The following LARP6 variants were observed in gnomAD, a reference collection of about 807,000 sequenced individuals.
LARP6 encodes la-related protein 6.
LARP6 carries 18 observed loss-of-function variants against 32.8 expected under a neutral mutation model. That is an observed-to-expected ratio of 0.55 (90% CI 0.38 to 0.81). The LOEUF (loss-of-function observed/expected upper bound fraction) is 0.81. Ranked by LOEUF, LARP6 falls within the 40% of genes least tolerant of loss-of-function variation. LARP6 has a pLI of 0.00. For missense variants in LARP6, 598 were observed against 663.1 expected, an observed-to-expected ratio of 0.90 and a Z score of 1.08; for synonymous variants, 289 against 267.2, an observed-to-expected ratio of 1.08 and a Z score of -0.80.
chr15:70,844,856 G>T (rs564036872), intron 1 of LARP6, among the ~76,000 whole-genome samples: 1 of 152,218 alleles, frequency 6.6e-6, no homozygotes, highest in Non-Finnish European at 1.5e-5. Context: ...CACTCTCAGG[G>T]TGCTAGTTGG....
At chr15:70,850,140 C>A (rs1015860723) in intron 1 of LARP6, among the ~76,000 whole-genome samples, 1 of 152,100 alleles carries the variant, frequency 6.6e-6, no homozygotes, top group East Asian at 1.9e-4. Context: ...AAACATGAAA[C>A]CTACCAAGAC....
At chr15:70,836,616 G>T in intron 1 of LARP6, 111 bp from the exon 2 acceptor site, 1 of 827,112 alleles carries the variant, frequency 1.2e-6, no homozygotes, top group Non-Finnish European at 2.0e-6. Flanking sequence ...ATGTTATTTG[G>T]AAATGGGGGT....
In LARP6 at chr15:70,832,733, C is replaced by A; in HGVS notation, c.795G>T (p.Glu265Asp). 1 of 1,595,518 alleles carries A rather than the reference C, an allele frequency of 6.3e-7. No individual in the cohort carries two copies. The highest frequency in any genetic ancestry group is 1.1e-5 in the South Asian group (1 of 87,434). Residue 265 changes from glutamate to aspartate, a missense_variant, in exon 3 of 3, where the codon GAG (glutamate) becomes GAT (aspartate). This residue lies in a region of LARP6 where 368 missense variants were observed against 397.9 expected (regional missense o/e 0.92). Coordinates refer to ENST00000299213, the MANE Select transcript of LARP6 (RefSeq NM_018357.4). The part of the protein sequence containing the change: ...TQECAIVEFE[E>D]VEAAIKAHEF... ...CATGGGCTTTGATGGCTGCTTCCACCTCCTCGAACTCCACGATGGCGCACT... is the reference window on the plus strand; with the variant it reads ...CATGGGCTTTGATGGCTGCTTCCACATCCTCGAACTCCACGATGGCGCACT...
chr15:70,832,596 G>A lies in LARP6; in HGVS notation c.932C>T (p.Thr311Ile). 1 of 1,599,218 alleles carries A rather than the reference G, an allele frequency of 6.3e-7. No homozygotes were observed. Among genetic ancestry groups the A allele is most frequent in the East Asian group, 2.2e-5 (1 of 44,846 alleles). Residue 311 changes from threonine to isoleucine, a missense_variant, in exon 3 of 3, where the codon ACT (threonine) becomes ATT (isoleucine). Transcript: ENST00000299213. Reference sequence around the variant, plus strand: ...GGACTTGTTCAGGTGGATGCTCGCAGTGGGCTCCTCGTCATGATTTTTGTC... The same window carrying A: ...GGACTTGTTCAGGTGGATGCTCGCAATGGGCTCCTCGTCATGATTTTTGTC... ...AKDKNHDEEPTASIHLNKSLN... is the reference protein window; with the variant it reads ...AKDKNHDEEPIASIHLNKSLN...
intron 2 of LARP6, among the ~76,000 whole-genome samples, chr15:70,834,780 C>T (rs891974194): frequency 1.3e-5 from 2 of 152,212 alleles, no homozygotes; most frequent in Non-Finnish European, 2.9e-5. Context: ...AGAAAAGGGA[C>T]CAGGGAGCGT....
intron 1 of LARP6, among the ~76,000 whole-genome samples, chr15:70,841,246 A>G (rs1394227168): frequency 6.6e-6 from 1 of 152,158 alleles, no homozygotes; most frequent in African/African-American, 2.4e-5. Flanking sequence ...TCTAATGCTT[A>G]TTCCAGAGCT....
chr15:70,829,674 A>G lies in LARP6; in HGVS notation c.*2378T>C, dbSNP rs2032005324. ...GAAGAACTGTGAACCAATAAAATAA[A>G]TGACTTGCTGAAGGTCACAGTTGCT... On this transcript the variant is annotated 3_prime_UTR_variant, in exon 3 of 3. Transcript: ENST00000299213. 6.6e-6 allele frequency: 1 copy of G among 152,316 alleles called. No individual in the cohort carries two copies. The highest frequency in any genetic ancestry group is 1.5e-5 in the Non-Finnish European group (1 of 68,022). The allele number at this position is 152,316 out of a possible 1,614,324, so 9.4% of individuals were successfully genotyped here. A position where few individuals can be genotyped will look rare whatever the true frequency, so the allele number is the denominator to read the frequency against.
chr15:70,841,073 C>T (rs2032247883), intron 1 of LARP6, among the ~76,000 whole-genome samples: 1 of 152,038 alleles, frequency 6.6e-6, no homozygotes, highest in African/African-American at 2.4e-5. Context: ...GCCACCGCGC[C>T]CGGCTAATTT....
At position 70,845,737 on chromosome 15, in the gene LARP6, G is replaced by A. The variant is rs183507404; in HGVS notation, c.200+8152C>T. 1.8e-4 allele frequency among the ~76,000 whole-genome samples: 27 copies of A among 152,346 alleles called. No individual in the cohort carries two copies. The East Asian group carries it at 3.7e-3, about 21-fold the overall frequency. On this transcript the variant is annotated intron_variant, in intron 1 of 2. Coordinates refer to ENST00000299213, the MANE Select transcript of LARP6 (RefSeq NM_018357.4). ...TGCTTTTTCTTAGTGGGTTGTATGG[G>A]TTCCCTCTGCAGTTGCACACTCCCA...
chr15:70,845,969 C>A (rs1567022855), intron 1 of LARP6, among the ~76,000 whole-genome samples: 1 of 152,156 alleles, frequency 6.6e-6, no homozygotes. Context: ...AATCTTGTCT[C>A]TTTTTTTTCC....
At chr15:70,839,236 C>G (rs923565018) in intron 1 of LARP6, among the ~76,000 whole-genome samples, 4 of 151,926 alleles carry the variant, frequency 2.6e-5, no homozygotes, top group Admixed American at 1.3e-4. Flanking sequence ...GTCAGAAGAT[C>G]GAGACCAGCC....
rs759705710 is a variant in LARP6 at position 70,833,153 on chromosome 15, T to C, written c.412-37A>G. 18 of 1,559,114 alleles carry C rather than the reference T, an allele frequency of 1.2e-5. No homozygotes were observed. The Admixed American group carries it at 2.8e-4, about 25-fold the overall frequency. The stretch of plus-strand genomic sequence containing the variant: ...AAAGCAAATCTGAAATAGTATCTAA[T>C]GTCCTTGTCCATCCTTGTGTATGCT... On this transcript the variant is annotated intron_variant, in intron 2 of 2. Transcript: ENST00000299213.
At chr15:70,836,822 G>A (rs1453902751) in intron 1 of LARP6, among the ~76,000 whole-genome samples, 1 of 152,160 alleles carries the variant, frequency 6.6e-6, no homozygotes, top group Non-Finnish European at 1.5e-5. Flanking sequence ...GCCACCAGAA[G>A]CGAGGAAAGA....
chr15:70,841,541 G>A (rs1288692151), intron 1 of LARP6, among the ~76,000 whole-genome samples: 3 of 152,124 alleles, frequency 2.0e-5, no homozygotes, highest in Non-Finnish European at 4.4e-5. Context: ...CCCCAGTGTT[G>A]GAGGTGGGGC....
intron 1 of LARP6, among the ~76,000 whole-genome samples, chr15:70,847,300 C>T (rs2032365757): frequency 6.6e-6 from 1 of 151,658 alleles, no homozygotes. Context: ...AGCTATAAAC[C>T]TGTGAGAAAT....
chr15:70,839,898 T>C (rs565595526), intron 1 of LARP6, among the ~76,000 whole-genome samples: 32 of 152,314 alleles, frequency 2.1e-4, no homozygotes, highest in African/African-American at 7.2e-4. Flanking sequence ...TTTACTACCA[T>C]AAGGAAAAGG....
chr15:70,841,204 C>T (rs1054685053), intron 1 of LARP6, among the ~76,000 whole-genome samples: 4 of 152,174 alleles, frequency 2.6e-5, no homozygotes, highest in African/African-American at 9.7e-5. Flanking sequence ...TGAGCCACCG[C>T]GCCCGGCCGG....
Position 70,832,493 on chromosome 15 carries a change from G to A in LARP6, c.1035C>T (p.Asn345=). Residue 345 remains asparagine, a synonymous_variant, in exon 3 of 3, where the codon AAC becomes AAT. Transcript: ENST00000299213. ...GTCGGCCCGCCATAGGGGATGTGGG[G>A]TTGCTCTCGGGGTCAGAGGAGCTGT... ...SANSSSDPES[N]PTSPMAGRRH... is the part of the protein sequence containing the mutation. The A allele has an allele frequency of 6.5e-7, 1 of 1,545,690 alleles. No individual in the cohort carries two copies. Among genetic ancestry groups the A allele is most frequent in the Non-Finnish European group, 8.7e-7 (1 of 1,149,648 alleles).
intron 1 of LARP6, chr15:70,852,318 G>A (rs1219892525): frequency 8.8e-6 from 4 of 455,600 alleles, no homozygotes; most frequent in East Asian, 7.0e-5. Flanking sequence ...CTCAAGCCAC[G>A]GGAGCTGGGC....
Sources: gnomAD v4.1 joint callset for allele counts (sites outside exome capture counted in the v4.1 genomes callset) on GRCh38, gnomAD v4.1.1 for gene constraint, gnomAD v4.1.1 regional missense constraint, MANE v1.5 for transcripts, NCBI Gene and HGNC (gene_info 2026-07-23, HGNC 2026-07-21) for gene names.